The following PRKN variants were observed in gnomAD, a reference collection of about 807,000 sequenced individuals.
The protein encoded by PRKN is E3 ubiquitin-protein ligase parkin.
A neutral mutation model predicts 59.5 loss-of-function variants in PRKN; 56 were observed. The ratio of observed to expected loss-of-function variants is 0.94; its 90% CI spans 0.76 to 1.18. The LOEUF is 1.18. Ranked by LOEUF, PRKN falls within the 50% of genes most tolerant of loss-of-function variation. PRKN has a pLI of 0.00. For synonymous variants in PRKN, 250 were observed against 222.1 expected (o/e 1.13, Z -1.12); for missense variants, 657 against 596.4 (o/e 1.10, Z -1.06).
intron 6 of PRKN, among the ~76,000 whole-genome samples, chr6:161,805,965 A>T (rs920718478): frequency 1.3e-5 from 2 of 152,212 alleles, no homozygotes; most frequent in African/African-American, 4.8e-5. Context: ...GCCAAGAGAA[A>T]GTCCTGCTCC....
chr6:162,236,520 C>T (rs1322905707), intron 3 of PRKN, among the ~76,000 whole-genome samples: 1 of 152,058 alleles, frequency 6.6e-6, no homozygotes, highest in South Asian at 2.1e-4. Flanking sequence ...GGTGTGGTGG[C>T]TCACGCCTGT....
intron 4 of PRKN, among the ~76,000 whole-genome samples, chr6:162,066,178 C>A (rs1778329031): frequency 6.6e-6 from 1 of 152,174 alleles, no homozygotes; most frequent in South Asian, 2.1e-4. Context: ...CTAATTTACA[C>A]TCCCACTAAC....
intron 1 of PRKN, among the ~76,000 whole-genome samples, chr6:162,541,045 C>G (rs775127023): frequency 2.0e-5 from 3 of 152,154 alleles, no homozygotes; most frequent in Non-Finnish European, 4.4e-5. Context: ...GAAATCCTCA[C>G]ATCAATTTCA....
At chr6:162,670,751 T>C (rs1330916159) in intron 1 of PRKN, among the ~76,000 whole-genome samples, 2 of 152,088 alleles carry the variant, frequency 1.3e-5, no homozygotes, top group African/African-American at 4.8e-5. Flanking sequence ...AGGGGAAAAA[T>C]GTAAGATTAA....
intron 2 of PRKN, among the ~76,000 whole-genome samples, chr6:162,431,557 C>CA (rs148919540): frequency 0.047 from 7,016 of 150,876 alleles, 508 homozygotes; most frequent in African/African-American, 0.16. Context: ...GACTCTGTCT[C>CA]AAAAAAAACA....
In PRKN at chr6:161,402,554, C is replaced by A. The variant is rs1208479814; in HGVS notation, c.1084-15677G>T. On this transcript the variant is annotated intron_variant, in intron 9 of 11. Coordinates refer to ENST00000366898, the MANE Select transcript of PRKN (RefSeq NM_004562.3). The surrounding 1 kb of genome is among the most constrained non-coding windows in gnomAD (Gnocchi z 4.5). ...GGAGCAAAAGATGGCTTCCCTCTAC[C>A]CTCCCAGGTTCTTTGGCTGGGCTAT... 6.6e-6 allele frequency among the ~76,000 whole-genome samples: 1 copy of A among 152,058 alleles called. No homozygotes were observed. The highest frequency in any genetic ancestry group is 2.4e-5 in the African/African-American group (1 of 41,386).
chr6:161,423,437 C>T lies in PRKN; in HGVS notation c.1084-36560G>A, dbSNP rs569054860. Among the ~76,000 whole-genome samples the T allele has an allele frequency of 2.0e-5, 3 of 152,156 alleles. No homozygotes were observed. Among genetic ancestry groups the T allele is most frequent in the Admixed American group, 2.0e-4 (3 of 15,270 alleles). On this transcript the variant is annotated intron_variant, in intron 9 of 11. Coordinates refer to ENST00000366898, the MANE Select transcript of PRKN (RefSeq NM_004562.3). This position sits in a 1 kb window ranked among gnomAD's most constrained non-coding sequence, Gnocchi z 5.9. The stretch of plus-strand genomic sequence containing the variant: ...TAACCACCTGAATTTTATGGGGGAA[C>T]CTTCTGCACGTATTCATGCATGAAG...
intron 4 of PRKN, among the ~76,000 whole-genome samples, chr6:162,167,801 T>C (rs879925701): frequency 2.0e-5 from 3 of 152,114 alleles, no homozygotes; most frequent in African/African-American, 4.8e-5. Context: ...ACTTTGAGGT[T>C]TGTAAAGGGT....
intron 5 of PRKN, among the ~76,000 whole-genome samples, chr6:162,009,639 T>A (rs923908408): frequency 5.3e-5 from 8 of 151,486 alleles, no homozygotes; most frequent in African/African-American, 1.7e-4. Flanking sequence ...TGCAGTGAAA[T>A]AAAAGTCCTC....
At chr6:162,135,631 G>A (rs1411505902) in intron 4 of PRKN, among the ~76,000 whole-genome samples, 1 of 152,130 alleles carries the variant, frequency 6.6e-6, no homozygotes, top group Non-Finnish European at 1.5e-5. Flanking sequence ...TCCTTGCCCT[G>A]ACTCTTGTCT....
At chr6:161,572,506 A>C (rs1342386465) in intron 7 of PRKN, among the ~76,000 whole-genome samples, 1 of 152,114 alleles carries the variant, frequency 6.6e-6, no homozygotes, top group Admixed American at 6.5e-5. Context: ...CTAAAAATAC[A>C]AAAATTAGTC....
At chr6:162,533,369 CA>C (rs372514428) in intron 1 of PRKN, among the ~76,000 whole-genome samples, 6 of 151,716 alleles carry the variant, frequency 4.0e-5, no homozygotes, top group African/African-American at 1.2e-4. Flanking sequence ...ACTATAAATA[CA>C]AAAAAAAGTT....
chr6:161,906,675 T>TATATATATATATATATATATATA (rs1778159489), intron 6 of PRKN, among the ~76,000 whole-genome samples: 1 of 116,798 alleles, frequency 8.6e-6, no homozygotes, highest in African/African-American at 3.0e-5. Context: ...TATATATATA[T>TATATATATATATATATATATATA]GTATATATGA....
chr6:161,889,504 G>T (rs1795267819), intron 6 of PRKN, among the ~76,000 whole-genome samples: 1 of 152,208 alleles, frequency 6.6e-6, no homozygotes, highest in South Asian at 2.1e-4. Context: ...GTTACCTACT[G>T]CATGGTTCCA....
chr6:161,415,592 G>GCCACCCCCCCCCAC (rs1562432936), intron 9 of PRKN, among the ~76,000 whole-genome samples: 1 of 36,212 alleles, frequency 2.8e-5, no homozygotes, highest in Non-Finnish European at 5.4e-5. Context: ...AGGAAATGTC[G>GCCACCCCCCCCCAC]CCCCCCCCCC....
chr6:161,787,410 C>G (rs1457766394), intron 6 of PRKN, among the ~76,000 whole-genome samples: 1 of 152,132 alleles, frequency 6.6e-6, no homozygotes, highest in African/African-American at 2.4e-5. Context: ...TTTCCTATTT[C>G]TAACCAAACA....
At chr6:161,891,468 C>A (rs1795341345) in intron 6 of PRKN, among the ~76,000 whole-genome samples, 1 of 152,150 alleles carries the variant, frequency 6.6e-6, no homozygotes, top group Non-Finnish European at 1.5e-5. Context: ...AATTGGGTAT[C>A]AAAGGTAAGT....
At chr6:161,874,235 T>G (rs867394460) in intron 6 of PRKN, among the ~76,000 whole-genome samples, 8 of 8,738 alleles carry the variant, frequency 9.2e-4, no homozygotes, top group African/African-American at 1.9e-3. Flanking sequence ...TTATATATAA[T>G]ATATAATATA....
At chr6:162,193,668 G>T (rs2128327601) in intron 4 of PRKN, among the ~76,000 whole-genome samples, 1 of 152,262 alleles carries the variant, frequency 6.6e-6, no homozygotes, top group Non-Finnish European at 1.5e-5. Context: ...TGTAGGAGTT[G>T]GTTCTAGGAA....
Sources: allele counts gnomAD v4.1 joint callset (sites outside exome capture counted in the v4.1 genomes callset), GRCh38; gene constraint gnomAD v4.1.1; non-coding constraint Gnocchi (gnomAD v3.1); transcripts MANE v1.5; gene names NCBI Gene and HGNC (gene_info 2026-07-23, HGNC 2026-07-21).